Variants in ZDHHC11 observed in about 807,000 individuals in gnomAD.
ZDHHC11 encodes palmitoyltransferase ZDHHC11.
A neutral mutation model predicts 51.3 loss-of-function variants in ZDHHC11; 44 were observed. The observed-to-expected ratio is 0.86, with a 90% CI of 0.67 to 1.10. The LOEUF (loss-of-function observed/expected upper bound fraction) is 1.10, where lower values mean the gene tolerates loss of function less well. ZDHHC11 is among the 50% of genes least tolerant of loss of function. The pLI, the probability that ZDHHC11 is intolerant of heterozygous loss-of-function variation, is 0.00. For synonymous variants in ZDHHC11, 163 were observed against 222.0 expected, an observed-to-expected ratio of 0.73 and a Z score of 2.36; for missense variants, 400 against 537.7, an observed-to-expected ratio of 0.74 and a Z score of 2.53.
rs1483945143 is a variant in ZDHHC11, at chr5:850,549, A to G, written c.54T>C (p.Asn18=). 1.9e-6 allele frequency: 3 copies of G among 1,613,548 alleles called. No individual in the cohort carries two copies. The highest frequency in any genetic ancestry group is 1.3e-5 in the African/African-American group (1 of 74,892). ...GGGGCGGCAAGACCAGCTTTTCATT[A>G]TTGAGTATGGCTTCTGGGGTGACGG... is the stretch of plus-strand genomic sequence containing the variant. ...QCSVTPEAIL[N]NEKLVLPPRI... The change falls in exon 1 of 13, where the codon AAT becomes AAC. Residue 18 remains asparagine (N), a synonymous_variant. Transcript: ENST00000283441.
intron 1 of ZDHHC11, among the ~76,000 whole-genome samples, chr5:857,874 T>TC (rs1412138616): frequency 7.3e-5 from 11 of 149,882 alleles, no homozygotes; most frequent in African/African-American, 7.4e-5. Flanking sequence ...TCTGTCCTGG[T>TC]CCCCGTCCTG....
chr5:840,860 G>T, intron 4 of ZDHHC11: 2 of 1,448,160 alleles, frequency 1.4e-6, no homozygotes, highest in Non-Finnish European at 1.8e-6. Context: ...CTGCTTTATG[G>T]ATCTGGGAGG....
At chr5:799,163 G>A (rs1352604218) in intron 12 of ZDHHC11, among the ~76,000 whole-genome samples, 3 of 151,836 alleles carry the variant, frequency 2.0e-5, no homozygotes, top group African/African-American at 7.3e-5. Context: ...ACAGATTAAT[G>A]CCCTCCCTCT....
intron 11 of ZDHHC11, among the ~76,000 whole-genome samples, chr5:804,904 C>T (rs750551724): frequency 6.6e-6 from 1 of 151,078 alleles, no homozygotes; most frequent in Non-Finnish European, 1.5e-5. Context: ...AACTCAAAAC[C>T]ATACAAAGAA....
At chr5:803,545 C>T (rs1183793770) in intron 11 of ZDHHC11, among the ~76,000 whole-genome samples, 2 of 151,106 alleles carry the variant, frequency 1.3e-5, no homozygotes, top group Non-Finnish European at 3.0e-5. Flanking sequence ...TTAGAGTTAC[C>T]ATATTATGAT....
intron 9 of ZDHHC11, among the ~76,000 whole-genome samples, chr5:820,167 T>G (rs552247324): frequency 6.6e-6 from 1 of 151,640 alleles, no homozygotes; most frequent in East Asian, 1.9e-4. Context: ...CTATTAATCT[T>G]GCCCAAAATG....
intron 11 of ZDHHC11, among the ~76,000 whole-genome samples, chr5:802,172 C>T (rs185360001): frequency 1.3e-5 from 2 of 151,142 alleles, no homozygotes; most frequent in Non-Finnish European, 3.0e-5. Flanking sequence ...GCTGAGCGGC[C>T]AGGCAGTGAC....
intron 7 of ZDHHC11, among the ~76,000 whole-genome samples, chr5:829,255 A>G (rs1404100721): frequency 6.6e-6 from 1 of 151,364 alleles, no homozygotes; most frequent in Non-Finnish European, 1.5e-5. Context: ...ACCATTAGCA[A>G]CATTAAGCAA....
chr5:843,902 A>T (rs1399026784), intron 3 of ZDHHC11, among the ~76,000 whole-genome samples, 178 bp from the exon 4 acceptor site: 1 of 103,332 alleles, frequency 9.7e-6, no homozygotes, highest in Admixed American at 9.4e-5. Flanking sequence ...GCGGGGAGGC[A>T]GGGGCAGGGA....
At position 814,779 on chromosome 5, in the gene ZDHHC11, G is replaced by T; in HGVS notation, c.1163C>A (p.Pro388Gln). ...AACTTACCCAAGTGTAGATATACTC[G>T]GGGCATCATCTGCTTCCTGTGGGGG... ...GSMAQEADDAPSISTLGLQQE... is the reference protein window; with the variant it reads ...GSMAQEADDAQSISTLGLQQE... Residue 388 changes from proline to glutamine, a missense_variant, in exon 11 of 13, where the codon CCG (proline) becomes CAG (glutamine). Pro to Gln is a moderately conservative substitution (Grantham distance 76, BLOSUM62 -1). Transcript: ENST00000283441. The T allele has an allele frequency of 1.3e-6, 2 of 1,556,730 alleles. No homozygotes were observed. Among genetic ancestry groups the T allele is most frequent in the South Asian group, 1.2e-5 (1 of 81,488 alleles).
At chr5:853,506 GA>G (rs1747634362), upstream of ZDHHC11, among the ~76,000 whole-genome samples, 1 of 142,950 alleles carries the variant, frequency 7.0e-6, no homozygotes, top group African/African-American at 2.6e-5. Flanking sequence ...AGAGGACAGC[GA>G]GCTGGGGAGA....
At chr5:808,658 C>T (rs1274715287) in intron 11 of ZDHHC11, among the ~76,000 whole-genome samples, 2 of 149,220 alleles carry the variant, frequency 1.3e-5, no homozygotes, top group African/African-American at 2.4e-5. Flanking sequence ...GCCTCAGCCT[C>T]CCGAGGAATG....
At chr5:819,490 T>A (rs577065817) in intron 10 of ZDHHC11, 35 bp downstream of exon 10, 2 of 1,596,212 alleles carry the variant, frequency 1.3e-6, no homozygotes, top group African/African-American at 2.7e-5. Flanking sequence ...CACATGGCCC[T>A]GTCCTCGGGG....
At chr5:805,025 T>A (rs1270605952) in intron 11 of ZDHHC11, among the ~76,000 whole-genome samples, 3 of 151,364 alleles carry the variant, frequency 2.0e-5, no homozygotes, top group Admixed American at 6.6e-5. Context: ...GTCAAATGCA[T>A]ATTACAATAA....
chr5:833,961 T>C (rs1374063702), intron 6 of ZDHHC11, among the ~76,000 whole-genome samples, 154 bp from the exon 7 acceptor site: 1 of 152,194 alleles, frequency 6.6e-6, no homozygotes, highest in Admixed American at 6.5e-5. Context: ...ACCACTTACG[T>C]GTGCACGTGT....
chr5:835,965 G>A (rs1240431407), intron 6 of ZDHHC11, among the ~76,000 whole-genome samples: 7 of 151,778 alleles, frequency 4.6e-5, no homozygotes, highest in African/African-American at 1.7e-4. Flanking sequence ...ATCTTAACTA[G>A]GTCTTAAAAC....
At chr5:843,841 G>A (rs1282959513) in intron 3 of ZDHHC11, 117 bp from the exon 4 acceptor site, 9 of 551,334 alleles carry the variant, frequency 1.6e-5, no homozygotes, top group Admixed American at 1.4e-4. Context: ...AGGGGCGGGC[G>A]TGGGGGGCAC....
intron 11 of ZDHHC11, among the ~76,000 whole-genome samples, chr5:806,970 C>T (rs1333365135): frequency 6.6e-6 from 1 of 151,140 alleles, no homozygotes; most frequent in Non-Finnish European, 1.5e-5. Flanking sequence ...CTAGCAATTG[C>T]ACCACTAGGA....
intron 11 of ZDHHC11, among the ~76,000 whole-genome samples, chr5:801,622 C>T (rs1738434461): frequency 6.6e-6 from 1 of 151,178 alleles, no homozygotes; most frequent in East Asian, 1.9e-4. Context: ...TGTTCTCTGC[C>T]CTGATGTTAC....
Sources: allele counts gnomAD v4.1 joint callset (sites outside exome capture counted in the v4.1 genomes callset), GRCh38; gene constraint gnomAD v4.1.1; transcripts MANE v1.5; gene names NCBI Gene and HGNC (gene_info 2026-07-23, HGNC 2026-07-21).